Variants in MIPEP observed in about 807,000 individuals in gnomAD.
The protein encoded by MIPEP is mitochondrial intermediate peptidase.
In MIPEP, 79 loss-of-function variants were observed where a neutral mutation model predicts 90.3. The ratio of observed to expected loss-of-function variants is 0.87; its 90% CI spans 0.73 to 1.05. The LOEUF is 1.05. Among genes scored for constraint, MIPEP ranks in the 50% least tolerant of loss-of-function variants. The pLI, the probability that MIPEP is intolerant of heterozygous loss-of-function variation, is 0.00. For missense variants in MIPEP, 940 were observed against 905.6 expected, an observed-to-expected ratio of 1.04 and a Z score of -0.49; for synonymous variants, 334 against 315.8, an observed-to-expected ratio of 1.06 and a Z score of -0.61.
At chr13:23,749,453 AT>A (rs1292429477) in intron 18 of MIPEP, among the ~76,000 whole-genome samples, 1 of 152,236 alleles carries the variant, frequency 6.6e-6, no homozygotes, top group Admixed American at 6.5e-5. Context: ...GTCAATTTGA[AT>A]AAACGTGTCA....
intron 15 of MIPEP, among the ~76,000 whole-genome samples, chr13:23,808,106 G>GTT (rs397948305): frequency 7.0e-6 from 1 of 142,926 alleles, no homozygotes. Context: ...TTTTTTTTTT[G>GTT]TTTTTTTTTT....
intron 10 of MIPEP, among the ~76,000 whole-genome samples, chr13:23,857,428 G>C (rs189981786): frequency 3.3e-5 from 5 of 152,224 alleles, no homozygotes; most frequent in Admixed American, 3.3e-4. Context: ...AAATCAGCTG[G>C]GTATGGTGGT....
In MIPEP at chr13:23,831,385, G is replaced by GCGGGGC. The variant is rs57512059; in HGVS notation, c.1653+4854_1653+4855insGCCCCG. Among the ~76,000 whole-genome samples the GCGGGGC allele has an allele frequency of 2.3e-5, 3 of 132,464 alleles. 1 individual carries two copies. Among genetic ancestry groups the GCGGGGC allele is most frequent in the African/African-American group, 8.2e-5 (3 of 36,384 alleles). 86.9% of individuals were successfully genotyped at this position (132,464 alleles called of 152,430 possible). ...GGGACAGCCTAGCTTCCCCATGGCG[G>GCGGGGC]GGGGGGGATGTGGATGGGAATTGCC... On this transcript the variant is annotated intron_variant, in intron 14 of 18. Transcript: ENST00000382172.
chr13:23,833,120 G>T (rs1370923726), intron 14 of MIPEP, among the ~76,000 whole-genome samples: 1 of 152,076 alleles, frequency 6.6e-6, no homozygotes, highest in African/African-American at 2.4e-5. Context: ...AGAAAATTAG[G>T]CATAAACATG....
intron 17 of MIPEP, 119 bp downstream of exon 17, chr13:23,759,977 T>C (rs568677730): frequency 1.6e-4 from 208 of 1,320,856 alleles, no homozygotes; most frequent in Non-Finnish European, 2.2e-4. Flanking sequence ...AGCCTGCCAC[T>C]TTCTGCCAGG....
intron 16 of MIPEP, among the ~76,000 whole-genome samples, chr13:23,761,432 C>T (rs147510393): frequency 6.6e-6 from 1 of 152,136 alleles, no homozygotes; most frequent in Non-Finnish European, 1.5e-5. Flanking sequence ...TGGTCATCAA[C>T]ATTGGAGGAG....
chr13:23,808,077 TAC>T (rs1178820343), intron 15 of MIPEP, among the ~76,000 whole-genome samples: 1 of 151,972 alleles, frequency 6.6e-6, no homozygotes, highest in Non-Finnish European at 1.5e-5. Flanking sequence ...TTAAAAAATG[TAC>T]AGTTTTAAAA....
chr13:23,879,957 T>A (rs568883085), intron 3 of MIPEP, among the ~76,000 whole-genome samples: 1 of 152,054 alleles, frequency 6.6e-6, no homozygotes. Context: ...ACCCACCCCA[T>A]AGTACCACTA....
chr13:23,737,680 G>A (rs2138483579), intron 18 of MIPEP, among the ~76,000 whole-genome samples: 1 of 152,192 alleles, frequency 6.6e-6, no homozygotes, highest in East Asian at 1.9e-4. Flanking sequence ...TTTAACCCTT[G>A]AATGCCCTTT....
intron 16 of MIPEP, among the ~76,000 whole-genome samples, chr13:23,804,020 T>C (rs1008933565): frequency 3.9e-5 from 6 of 152,158 alleles, no homozygotes; most frequent in Non-Finnish European, 7.3e-5. Context: ...CTTTCTATTT[T>C]CTCAAAAGGA....
Position 23,866,042 on chromosome 13 carries a change from C to T in MIPEP, c.944-1853G>A, listed in dbSNP as rs558955124. ...TGAAACCCCCCACTAAGTGCCTCACCGCAGTTACCTCCTCATTCACTAGCC... is the reference window on the plus strand; with the variant it reads ...TGAAACCCCCCACTAAGTGCCTCACTGCAGTTACCTCCTCATTCACTAGCC... On this transcript the variant is annotated intron_variant, in intron 7 of 18. Coordinates refer to ENST00000382172, the MANE Select transcript of MIPEP (RefSeq NM_005932.4). Among the ~76,000 whole-genome samples the T allele has an allele frequency of 5.9e-5, 9 of 152,218 alleles. No homozygotes were observed. The East Asian group carries it at 1.2e-3, about 20-fold the overall frequency.
intron 13 of MIPEP, 71 bp downstream of exon 13, chr13:23,837,481 C>G: frequency 2.5e-6 from 3 of 1,210,514 alleles, no homozygotes; most frequent in Non-Finnish European, 3.6e-6. Context: ...ATAAAAAGCC[C>G]CTTTCCCAAT....
intron 13 of MIPEP, among the ~76,000 whole-genome samples, chr13:23,836,761 C>G (rs1183618969): frequency 6.6e-6 from 1 of 152,122 alleles, no homozygotes; most frequent in African/African-American, 2.4e-5. Flanking sequence ...TTTATTTTAT[C>G]CATTTATTGC....
At chr13:23,873,622 G>C (rs953108896) in intron 5 of MIPEP, among the ~76,000 whole-genome samples, 2 of 152,196 alleles carry the variant, frequency 1.3e-5, no homozygotes, top group Non-Finnish European at 2.9e-5. Flanking sequence ...AGAACAGCCC[G>C]GGTGTTTGGT....
At chr13:23,791,180 T>C (rs1365532598) in intron 16 of MIPEP, among the ~76,000 whole-genome samples, 2 of 152,194 alleles carry the variant, frequency 1.3e-5, no homozygotes, top group African/African-American at 2.4e-5. Flanking sequence ...CTCAGGTCCA[T>C]GGCCTGCTCT....
At chr13:23,847,376 G>A (rs1259028050) in intron 10 of MIPEP, among the ~76,000 whole-genome samples, 5 of 151,714 alleles carry the variant, frequency 3.3e-5, no homozygotes, top group African/African-American at 1.2e-4. Flanking sequence ...CAGGAAGTCT[G>A]AGGGTATGTG....
At chr13:23,771,923 G>A (rs188613566) in intron 16 of MIPEP, among the ~76,000 whole-genome samples, 12 of 152,280 alleles carry the variant, frequency 7.9e-5, no homozygotes, top group Admixed American at 7.2e-4. Flanking sequence ...CATTGCCTAA[G>A]AGGTAAAAAG....
Position 23,841,328 on chromosome 13 carries a change from A to C in MIPEP, c.1260+7T>G, listed in dbSNP as rs781665982. ...CTGCAACTGCAGGCTGAGCAGGAGG[A>C]GCTCACCAGTTTTCGGACATCTTCG... On this transcript the variant is annotated splice_region_variant and intron_variant, in intron 11 of 18. Coordinates refer to ENST00000382172, the MANE Select transcript of MIPEP (RefSeq NM_005932.4). 9 of 1,605,960 alleles carry C rather than the reference A, an allele frequency of 5.6e-6. No homozygotes were observed. In the Admixed American group the frequency reaches 1.4e-4, roughly 25 times the overall value.
intron 10 of MIPEP, among the ~76,000 whole-genome samples, chr13:23,856,474 T>A (rs1870052213): frequency 6.6e-6 from 1 of 152,230 alleles, no homozygotes; most frequent in Non-Finnish European, 1.5e-5. Context: ...TTGGCAGCTA[T>A]ATTTATACCC....
Sources: gnomAD v4.1 joint callset for allele counts (sites outside exome capture counted in the v4.1 genomes callset) on GRCh38, gnomAD v4.1.1 for gene constraint, MANE v1.5 for transcripts, NCBI Gene and HGNC (gene_info 2026-07-23, HGNC 2026-07-21) for gene names.